RXRG: variants seen among roughly 807,000 people sequenced by gnomAD.
RXRG encodes retinoid X receptor gamma, also known as retinoic acid receptor RXR-gamma.
Under a neutral mutation model 49.2 loss-of-function variants are expected in RXRG, and 19 were observed. That is an observed-to-expected ratio of 0.39 (90% CI 0.27 to 0.57). The LOEUF is 0.57. Among genes scored for constraint, RXRG ranks in the 20% least tolerant of loss-of-function variants. The probability of loss-of-function intolerance (pLI) is 0.64; values close to 1 mark genes in which losing one functional copy is unlikely to be tolerated. For synonymous variants in RXRG, 224 were observed against 216.6 expected (o/e 1.03, Z -0.30); for missense variants, 452 against 592.5 (o/e 0.76, Z 2.46).
chr1:165,415,081 G>A (rs546414856), intron 4 of RXRG, among the ~76,000 whole-genome samples: 2 of 152,294 alleles, frequency 1.3e-5, no homozygotes, highest in South Asian at 2.1e-4. Context: ...GTGTAAAAGA[G>A]ACAAGGAAGG....
At chr1:165,402,025 G>C (rs949994875) in intron 9 of RXRG, among the ~76,000 whole-genome samples, 1 of 152,174 alleles carries the variant, frequency 6.6e-6, no homozygotes, top group African/African-American at 2.4e-5. Flanking sequence ...CGGGACTACA[G>C]GCACATGCCT....
At chr1:165,423,759 G>C (rs1443791576) in intron 2 of RXRG, among the ~76,000 whole-genome samples, 1 of 152,176 alleles carries the variant, frequency 6.6e-6, no homozygotes, top group Admixed American at 6.5e-5. Flanking sequence ...GGCTCAACCA[G>C]ATCTGCTTTT....
intron 4 of RXRG, 127 bp from the exon 5 acceptor site, chr1:165,411,236 A>G (rs1657937673): frequency 4.3e-6 from 4 of 936,416 alleles, no homozygotes; most frequent in Non-Finnish European, 6.3e-6. Flanking sequence ...TGAATTGGGG[A>G]TGTTGGAATG....
At chr1:165,409,533 A>C in intron 7 of RXRG, 25 bp downstream of exon 7, 1 of 1,442,076 alleles carries the variant, frequency 6.9e-7, no homozygotes, top group Non-Finnish European at 9.1e-7. Flanking sequence ...AATACACACA[A>C]ATACTGGAAG....
At chr1:165,431,181 C>T (rs1336627212) in intron 1 of RXRG, among the ~76,000 whole-genome samples, 4 of 152,186 alleles carry the variant, frequency 2.6e-5, no homozygotes, top group African/African-American at 4.8e-5. Flanking sequence ...CTGAAACCCA[C>T]GCTCTCCTCT....
intron 1 of RXRG, chr1:165,437,231 T>C: frequency 1.5e-6 from 2 of 1,366,852 alleles, no homozygotes; most frequent in South Asian, 1.1e-5. Context: ...AGTCAGTCAG[T>C]CAGCCAGCAC....
intron 1 of RXRG, among the ~76,000 whole-genome samples, chr1:165,438,711 G>A (rs916708543): frequency 6.6e-6 from 1 of 152,186 alleles, no homozygotes; most frequent in Admixed American, 6.5e-5. Flanking sequence ...TCTATAAAAT[G>A]AGGTGGTTCT....
At chr1:165,404,920 G>A (rs1036182611) in intron 9 of RXRG, among the ~76,000 whole-genome samples, 4 of 152,020 alleles carry the variant, frequency 2.6e-5, no homozygotes, top group Admixed American at 2.6e-4. Flanking sequence ...CACCACACCT[G>A]GCTAATTTTT....
intron 2 of RXRG, 93 bp from the exon 3 acceptor site, chr1:165,420,107 G>T (rs1284270434): frequency 4.8e-6 from 5 of 1,031,810 alleles, no homozygotes; most frequent in Non-Finnish European, 6.6e-6. Context: ...GAAAAAACAA[G>T]TTCTATTTCA....
At chr1:165,439,777 T>C (rs1296092663) in intron 1 of RXRG, among the ~76,000 whole-genome samples, 1 of 152,272 alleles carries the variant, frequency 6.6e-6, no homozygotes, top group Non-Finnish European at 1.5e-5. Context: ...GGTTAAAATG[T>C]AAAGCTTTGC....
intron 2 of RXRG, among the ~76,000 whole-genome samples, chr1:165,420,347 G>T (rs1658270193): frequency 6.6e-6 from 1 of 152,168 alleles, no homozygotes; most frequent in African/African-American, 2.4e-5. Flanking sequence ...AATGTCAACT[G>T]TGTATTTTAA....
chr1:165,422,495 C>CGT (rs3835579), intron 2 of RXRG, among the ~76,000 whole-genome samples: 65,887 of 151,820 alleles, frequency 0.43, 15,464 homozygotes, highest in South Asian at 0.57. Context: ...TGAGCTGGGA[C>CGT]GACAGCCTTC....
chr1:165,424,128 G>A (rs1658408051), intron 2 of RXRG, among the ~76,000 whole-genome samples: 1 of 152,124 alleles, frequency 6.6e-6, no homozygotes, highest in South Asian at 2.1e-4. Context: ...AACACACTCA[G>A]AAAAATGTTT....
chr1:165,404,476 G>A (rs549772505), intron 9 of RXRG, among the ~76,000 whole-genome samples: 4 of 152,286 alleles, frequency 2.6e-5, no homozygotes, highest in South Asian at 2.1e-4. Flanking sequence ...ATCACAGGGC[G>A]ATGACTAAAT....
rs1460866042 is a variant in RXRG, at chr1:165,421,709, T to C, written c.298-1695A>G. Among the ~76,000 whole-genome samples the C allele has an allele frequency of 2.0e-5, 3 of 152,040 alleles. No individual in the cohort carries two copies. The East Asian group carries it at 5.8e-4, about 29-fold the overall frequency. ...GACACTTAGCTAACTTTTTTGTATTTTTGGTAGAGACAGGATTTAACCATG... is the reference window on the plus strand; with the variant it reads ...GACACTTAGCTAACTTTTTTGTATTCTTGGTAGAGACAGGATTTAACCATG... On this transcript the variant is annotated intron_variant, in intron 2 of 9. Coordinates refer to ENST00000359842, the MANE Select transcript of RXRG (RefSeq NM_006917.5).
chr1:165,443,536 C>A (rs899278967), intron 1 of RXRG, among the ~76,000 whole-genome samples: 7 of 152,190 alleles, frequency 4.6e-5, no homozygotes, highest in Admixed American at 2.6e-4. Context: ...AGTCCAAGTA[C>A]AACCTACGTT....
intron 1 of RXRG, among the ~76,000 whole-genome samples, chr1:165,439,836 T>C (rs1658925982): frequency 6.6e-6 from 1 of 152,236 alleles, no homozygotes; most frequent in African/African-American, 2.4e-5. Context: ...TCAGGGTGAT[T>C]GTGCAGCCTA....
intron 9 of RXRG, 37 bp from the exon 10 acceptor site, chr1:165,401,447 G>A (rs1287540762): frequency 6.2e-7 from 1 of 1,611,044 alleles, no homozygotes; most frequent in South Asian, 1.1e-5. Context: ...GACAGGGACG[G>A]GCAGGCACTG....
intron 2 of RXRG, 112 bp downstream of exon 2, chr1:165,428,607 C>T (rs1398477172): frequency 7.7e-7 from 1 of 1,299,108 alleles, no homozygotes; most frequent in Admixed American, 2.3e-5. Flanking sequence ...CCATTCAAAC[C>T]CTTTGGCAAG....
Sources: gnomAD v4.1 joint callset for allele counts (sites outside exome capture counted in the v4.1 genomes callset) on GRCh38, gnomAD v4.1.1 for gene constraint, MANE v1.5 for transcripts, NCBI Gene and HGNC (gene_info 2026-07-23, HGNC 2026-07-21) for gene names.